The following PNPLA3 variants were observed in gnomAD, a reference collection of about 807,000 sequenced individuals.
PNPLA3 encodes 1-acylglycerol-3-phosphate O-acyltransferase PNPLA3.
PNPLA3 carries 42 observed loss-of-function variants against 43.1 expected under a neutral mutation model. The ratio of observed to expected loss-of-function variants is 0.97; its 90% CI spans 0.76 to 1.26. The LOEUF is 1.26. Ranked by LOEUF, PNPLA3 falls within the 50% of genes most tolerant of loss-of-function variation. PNPLA3 has a pLI of 0.00. For synonymous variants in PNPLA3, 272 were observed against 253.6 expected (o/e 1.07, Z -0.69); for missense variants, 647 against 621.4 (o/e 1.04, Z -0.44).
rs201343851 is a variant in PNPLA3, at chr22:43,937,113, G to T, written c.820G>T (p.Ala274Ser). Residue 274 changes from alanine (A) to serine (S), a missense_variant, in exon 6 of 9, where the codon GCC becomes TCC. Transcript: ENST00000216180. ...SSSEGMDPEV[A>S]MPSWANMSLD... The stretch of plus-strand genomic sequence containing the variant: ...CTCAGAAGGGATGGATCCTGAGGTC[G>T]CCATGCCCAGCTGGGCAAACATGAG... 1 of 1,614,082 alleles carries T rather than the reference G, an allele frequency of 6.2e-7. No individual in the cohort carries two copies. The highest frequency in any genetic ancestry group is 1.3e-5 in the African/African-American group (1 of 75,042).
intron 8 of PNPLA3, among the ~76,000 whole-genome samples, chr22:43,945,923 A>G (rs1462902714): frequency 2.6e-5 from 4 of 152,130 alleles, no homozygotes; most frequent in Admixed American, 1.3e-4. Context: ...AACACCTGTG[A>G]TGTCCAGTGG....
chr22:43,924,235 G>GC, intron 1 of PNPLA3, 137 bp downstream of exon 1: 2 of 1,054,910 alleles, frequency 1.9e-6, no homozygotes, highest in East Asian at 6.5e-5. Context: ...CATCCCGAGG[G>GC]CCCCCTCCGA....
chr22:43,939,898 G>A (rs1322292249), intron 6 of PNPLA3, 95 bp from the exon 7 acceptor site: 14 of 1,567,548 alleles, frequency 8.9e-6, no homozygotes, highest in African/African-American at 2.7e-5. Context: ...CTGCCAGGAC[G>A]GGCGTATTTT....
chr22:43,940,883 G>A (rs1252831338), intron 7 of PNPLA3, among the ~76,000 whole-genome samples: 1 of 151,858 alleles, frequency 6.6e-6, no homozygotes, highest in Non-Finnish European at 1.5e-5. Flanking sequence ...GCTCACACCT[G>A]TAATCCCAGC....
Position 43,937,040 on chromosome 22 carries a change from G to A in PNPLA3, c.758-11G>A. 1 of 1,609,478 alleles carries A rather than the reference G, an allele frequency of 6.2e-7. No individual in the cohort carries two copies. Among genetic ancestry groups the A allele is most frequent in the Non-Finnish European group, 8.5e-7 (1 of 1,177,260 alleles). On this transcript the variant is annotated splice_polypyrimidine_tract_variant and intron_variant, in intron 5 of 8. Transcript: ENST00000216180. ...TTCGCCTGATGGGCTTGTTTTCCGT[G>A]CCCTTCACAGGCATCTGCAACAGGC...
intron 8 of PNPLA3, among the ~76,000 whole-genome samples, chr22:43,945,080 A>G (rs1236287277): frequency 6.6e-6 from 1 of 152,142 alleles, no homozygotes; most frequent in African/African-American, 2.4e-5. Context: ...GGCCCCAGAT[A>G]AGCAGGGAAA....
chr22:43,933,384 AT>A lies in PNPLA3; in HGVS notation c.696+306del, dbSNP rs919161335. 3.3e-5 allele frequency among the ~76,000 whole-genome samples: 5 copies of A among 151,422 alleles called. No homozygotes were observed. In the South Asian group the frequency reaches 6.3e-4, roughly 19 times the overall value. On this transcript the variant is annotated intron_variant, in intron 4 of 8. Coordinates refer to ENST00000216180, the MANE Select transcript of PNPLA3 (RefSeq NM_025225.3). Reference sequence around the variant, plus strand: ...GATTTTTTATTTTTTAGTTATAAAGATTTTTTTTTGGTTTGTTTTTGAGACA... The same window carrying A: ...GATTTTTTATTTTTTAGTTATAAAGATTTTTTTTGGTTTGTTTTTGAGACA...
intron 3 of PNPLA3, among the ~76,000 whole-genome samples, chr22:43,932,209 G>C (rs997453706): frequency 6.6e-6 from 1 of 152,096 alleles, no homozygotes; most frequent in African/African-American, 2.4e-5. Context: ...GCAATAAGGT[G>C]GTTTAAGGAT....
At position 43,923,957 on chromosome 22, in the gene PNPLA3, G is replaced by A; in HGVS notation, c.46G>A (p.Gly16Ser). 6.3e-7 allele frequency: 1 copy of A among 1,582,002 alleles called. No individual in the cohort carries two copies. ...RGWSLSFAGCGFLGFYHVGAT... is the reference protein window; with the variant it reads ...RGWSLSFAGCSFLGFYHVGAT... ...CTGGAGCTTGTCCTTCGCGGGCTGCGGCTTCCTGGGCTTCTACCACGTCGG... is the reference window on the plus strand; with the variant it reads ...CTGGAGCTTGTCCTTCGCGGGCTGCAGCTTCCTGGGCTTCTACCACGTCGG... The change falls in exon 1 of 9, where the codon GGC becomes AGC. Residue 16 changes from glycine (G) to serine (S), a missense_variant. Transcript: ENST00000216180.
chr22:43,928,797 T>C, intron 2 of PNPLA3, 27 bp from the exon 3 acceptor site: 4 of 1,593,394 alleles, frequency 2.5e-6, no homozygotes, highest in Non-Finnish European at 3.4e-6. Context: ...CTCTCGCCTA[T>C]AACTTCTCTC....
At chr22:43,944,096 T>A (rs1284446213) in intron 7 of PNPLA3, among the ~76,000 whole-genome samples, 7 of 152,162 alleles carry the variant, frequency 4.6e-5, no homozygotes, top group Non-Finnish European at 1.0e-4. Context: ...CTGATTAATC[T>A]TTTAATGCCC....
intron 7 of PNPLA3, among the ~76,000 whole-genome samples, chr22:43,944,010 A>ACTCCTGAC: frequency 6.7e-6 from 1 of 148,594 alleles, no homozygotes; most frequent in Non-Finnish European, 1.5e-5. Context: ...CTGGTCTCAA[A>ACTCCTGAC]CTCCTGACCT....
At chr22:43,930,885 C>G (rs781375128) in intron 3 of PNPLA3, among the ~76,000 whole-genome samples, 3 of 152,060 alleles carry the variant, frequency 2.0e-5, no homozygotes, top group Non-Finnish European at 1.5e-5. Flanking sequence ...TGGGGGAGTA[C>G]CAGGCCGAGG....
At chr22:43,935,898 C>G (rs13056638) in intron 5 of PNPLA3, among the ~76,000 whole-genome samples, 30,357 of 151,894 alleles carry the variant, frequency 0.2, 3,579 homozygotes, top group East Asian at 0.39. Context: ...GGACAGGAAG[C>G]GAGATACCAG....
intron 1 of PNPLA3, among the ~76,000 whole-genome samples, chr22:43,925,390 AG>A (rs1393622635): frequency 6.6e-6 from 1 of 151,926 alleles, no homozygotes; most frequent in Non-Finnish European, 1.5e-5. Flanking sequence ...GGAGGCGAGG[AG>A]GGGGTTGTGA....
At position 43,939,981 on chromosome 22, in the gene PNPLA3, T is replaced by A. The variant is rs755622820; in HGVS notation, c.980-12T>A. On this transcript the variant is annotated splice_polypyrimidine_tract_variant and intron_variant, in intron 6 of 8. Transcript: ENST00000216180. The stretch of plus-strand genomic sequence containing the variant: ...GTGGTGGGAGATAATAGCTCCAAAT[T>A]GTCTTTTTCAGCACTGAGTGAAGAA... 2 of 1,614,116 alleles carry A rather than the reference T, an allele frequency of 1.2e-6. No individual in the cohort carries two copies. Among genetic ancestry groups the A allele is most frequent in the Non-Finnish European group, 1.7e-6 (2 of 1,179,996 alleles).
rs545534937 is a variant in PNPLA3 at position 43,929,430 on chromosome 22, C to T, written c.486+541C>T. ...GGCGGAAGTTGCAGTGAGCCAAGAT[C>T]GCACCACTGCACTCCATCCTGGGTG... On this transcript the variant is annotated intron_variant, in intron 3 of 8. Transcript: ENST00000216180. Among the ~76,000 whole-genome samples, 11 of 147,732 alleles carry T rather than the reference C, an allele frequency of 7.4e-5. 1 individual carries two copies. Among genetic ancestry groups the T allele is most frequent in the South Asian group, 4.4e-4 (2 of 4,552 alleles).
chr22:43,934,489 C>G (rs1322024906), intron 4 of PNPLA3, 117 bp from the exon 5 acceptor site: 5 of 1,072,294 alleles, frequency 4.7e-6, no homozygotes, highest in South Asian at 1.4e-5. Context: ...GTGCCCCCAG[C>G]CAGCAGACTC....
intron 5 of PNPLA3, among the ~76,000 whole-genome samples, chr22:43,936,595 C>G (rs1245902891): frequency 6.6e-6 from 1 of 152,202 alleles, no homozygotes; most frequent in Admixed American, 6.5e-5. Context: ...AGCTTCAAAT[C>G]CTGGCTCTGC....
Sources: allele counts gnomAD v4.1 joint callset (sites outside exome capture counted in the v4.1 genomes callset), GRCh38; gene constraint gnomAD v4.1.1; transcripts MANE v1.5; gene names NCBI Gene and HGNC (gene_info 2026-07-23, HGNC 2026-07-21).